Variants in GATA4 observed in about 807,000 individuals in gnomAD.
The protein encoded by GATA4 is transcription factor GATA-4.
Under a neutral mutation model 37.9 loss-of-function variants are expected in GATA4, and 7 were observed. The observed-to-expected ratio is 0.18, with a 90% CI of 0.11 to 0.35. The LOEUF (loss-of-function observed/expected upper bound fraction) is 0.35, where lower values mean the gene tolerates loss of function less well. Among genes scored for constraint, GATA4 ranks in the 10% least tolerant of loss-of-function variants. The probability of loss-of-function intolerance (pLI) is 1.00; values close to 1 mark genes in which losing one functional copy is unlikely to be tolerated. For synonymous variants in GATA4, 372 were observed against 292.6 expected (o/e 1.27, Z -2.77); for missense variants, 647 against 653.0 (o/e 0.99, Z 0.10).
At position 11,708,658 on chromosome 8, in the gene GATA4, T is replaced by C; in HGVS notation, c.346T>C (p.Ser116Pro). The C allele has an allele frequency of 7.7e-7, 1 of 1,305,494 alleles. No individual in the cohort carries two copies. The allele number at this position is 1,305,494 out of a possible 1,614,324, so 80.9% of individuals were successfully genotyped here. The change falls in exon 2 of 7, where the codon TCC becomes CCC. Residue 116 changes from serine (S) to proline (P), a missense_variant. Around this residue, in one of 5 missense-constraint regions of GATA4, gnomAD observed 379 missense variants for 334.5 expected, o/e 1.13. Coordinates refer to ENST00000532059, the MANE Select transcript of GATA4 (RefSeq NM_001308093.3). The surrounding 1 kb of genome is among the most constrained non-coding windows in gnomAD (Gnocchi z 6.7). Reference protein sequence around the residue: ...PRFSFPGTTGSLAAAAAAAAA... With the variant: ...PRFSFPGTTGPLAAAAAAAAA... ...CTTCTCCTTCCCGGGGACCACCGGGTCCCTGGCGGCCGCCGCCGCCGCTGC... is the reference window on the plus strand; with the variant it reads ...CTTCTCCTTCCCGGGGACCACCGGGCCCCTGGCGGCCGCCGCCGCCGCTGC...
intron 2 of GATA4, among the ~76,000 whole-genome samples, chr8:11,725,413 T>C (rs546662679): frequency 6.6e-6 from 1 of 152,336 alleles, no homozygotes; most frequent in East Asian, 1.9e-4. Context: ...GGAATCTGAT[T>C]CCGTACTGGC....
upstream of GATA4, among the ~76,000 whole-genome samples, chr8:11,689,840 G>C (rs117605058): frequency 3.3e-4 from 50 of 152,330 alleles, no homozygotes; most frequent in East Asian, 9.1e-3. Context: ...GATTACATCA[G>C]GGCGAGGGAA....
chr8:11,747,143 C>T (rs1410229506), intron 2 of GATA4, among the ~76,000 whole-genome samples: 1 of 152,228 alleles, frequency 6.6e-6, no homozygotes, highest in Admixed American at 6.5e-5. Flanking sequence ...GAAAAATCTG[C>T]CCTTGCCTCT....
chr8:11,753,760 G>A (rs952062266), intron 4 of GATA4, among the ~76,000 whole-genome samples: 10 of 152,176 alleles, frequency 6.6e-5, no homozygotes, highest in Admixed American at 3.3e-4. Context: ...TGCATTTCTC[G>A]CTTAACCATT....
intron 1 of GATA4, among the ~76,000 whole-genome samples, chr8:11,695,828 A>G (rs1799493025): frequency 6.6e-6 from 1 of 152,190 alleles, no homozygotes; most frequent in Non-Finnish European, 1.5e-5. Context: ...TTTGTGCCAT[A>G]CATGCTCAAG....
At chr8:11,701,255 A>AAAC (rs1460746070), upstream of GATA4, among the ~76,000 whole-genome samples, 2 of 151,994 alleles carry the variant, frequency 1.3e-5, no homozygotes, top group East Asian at 3.9e-4. Context: ...AAAAAAAAAA[A>AAAC]AAAAAAAAAG....
In GATA4 at chr8:11,707,937, T is replaced by G; in HGVS notation, c.-376T>G. 3.2e-6 allele frequency: 1 copy of G among 313,730 alleles called. No individual in the cohort carries two copies. 19.4% of individuals were successfully genotyped at this position (313,730 alleles called of 1,614,324 possible). On this transcript the variant is annotated 5_prime_UTR_variant, in exon 2 of 7. Coordinates refer to ENST00000532059, the MANE Select transcript of GATA4 (RefSeq NM_001308093.3). The surrounding 1 kb of genome is among the most constrained non-coding windows in gnomAD (Gnocchi z 4.7). ...CGCGGGTGTCCTGGAGGCCTCTCGG[T>G]GTGACGAGTGGGGGACCCGAAGGCT... is the stretch of plus-strand genomic sequence containing the variant.
At chr8:11,729,963 T>C (rs1350122161) in intron 2 of GATA4, among the ~76,000 whole-genome samples, 3 of 152,190 alleles carry the variant, frequency 2.0e-5, no homozygotes, top group Non-Finnish European at 2.9e-5. Flanking sequence ...TCTTGCTCCA[T>C]TGCCCAGGCT....
intron 2 of GATA4, among the ~76,000 whole-genome samples, chr8:11,745,552 C>T (rs529849802): frequency 2.0e-5 from 3 of 152,044 alleles, no homozygotes; most frequent in Non-Finnish European, 2.9e-5. Flanking sequence ...CAGCACTGTA[C>T]TCCAGCCTGG....
intron 2 of GATA4, among the ~76,000 whole-genome samples, chr8:11,713,637 C>CAA (rs375905844): frequency 7.6e-5 from 8 of 105,466 alleles, no homozygotes; most frequent in African/African-American, 2.7e-4. Flanking sequence ...TTCTGAAAAG[C>CAA]AAAAAAAAAA....
chr8:11,692,611 CG>C (rs1270858187), upstream of GATA4: 5 of 985,298 alleles, frequency 5.1e-6, no homozygotes, highest in Non-Finnish European at 4.8e-6. Context: ...GGGCGGGAAC[CG>C]GCTTCTGGGG....
chr8:11,738,659 G>T (rs1435209283), intron 2 of GATA4, among the ~76,000 whole-genome samples: 4 of 152,226 alleles, frequency 2.6e-5, no homozygotes, highest in African/African-American at 7.2e-5. Context: ...TCCTGGAAGT[G>T]GAGTTTCTGG....
At position 11,749,326 on chromosome 8, in the gene GATA4, C is replaced by T. The variant is rs967053524; in HGVS notation, c.786+241C>T. ...AAGTGAGGCTCAGAAAAGCTAGTGG[C>T]CTTGCCCACAGCCACTCAGGTACTG... is the stretch of plus-strand genomic sequence containing the variant. On this transcript the variant is annotated intron_variant, in intron 3 of 6. Transcript: ENST00000532059. This position sits in a 1 kb window ranked among gnomAD's most constrained non-coding sequence, Gnocchi z 4.6. Among the ~76,000 whole-genome samples the T allele has an allele frequency of 6.6e-6, 1 of 152,236 alleles. No homozygotes were observed. Among genetic ancestry groups the T allele is most frequent in the Non-Finnish European group, 1.5e-5 (1 of 68,050 alleles).
intron 2 of GATA4, among the ~76,000 whole-genome samples, chr8:11,723,776 ACTTG>A (rs1411690398): frequency 1.3e-5 from 2 of 152,236 alleles, no homozygotes; most frequent in African/African-American, 2.4e-5. Flanking sequence ...AAAGGCTTTT[ACTTG>A]CTTCATTCAT....
At chr8:11,733,040 C>A (rs139297671) in intron 2 of GATA4, among the ~76,000 whole-genome samples, 1 of 152,056 alleles carries the variant, frequency 6.6e-6, no homozygotes, top group South Asian at 2.1e-4. Flanking sequence ...GGAAAGAAAG[C>A]GGCAATGTTT....
chr8:11,755,253 G>A (rs556613985), intron 5 of GATA4, 120 bp downstream of exon 5: 22 of 749,724 alleles, frequency 2.9e-5, no homozygotes, highest in African/African-American at 5.2e-5. Flanking sequence ...TGACAGCATC[G>A]GACATCCCTG....
At chr8:11,753,696 C>T (rs181473387) in intron 4 of GATA4, among the ~76,000 whole-genome samples, 55 of 152,148 alleles carry the variant, frequency 3.6e-4, no homozygotes, top group African/African-American at 1.2e-3. Flanking sequence ...GTGCAAGTGC[C>T]ACCCCATCTA....
At chr8:11,757,982 G>C (rs1236430223) in intron 6 of GATA4, among the ~76,000 whole-genome samples, 1 of 152,196 alleles carries the variant, frequency 6.6e-6, no homozygotes, top group African/African-American at 2.4e-5. Context: ...AAGTGGATGT[G>C]GTGGTGATAG....
At position 11,750,167 on chromosome 8, in the gene GATA4, G is replaced by A. The variant is rs755197061; in HGVS notation, c.843G>A (p.Thr281=). 23 of 1,613,752 alleles carry A rather than the reference G, an allele frequency of 1.4e-5. No individual in the cohort carries two copies. Among genetic ancestry groups the A allele is most frequent in the Non-Finnish European group, 1.5e-5 (18 of 1,180,054 alleles). The part of the protein sequence containing the change: ...SCANCQTTTT[T]LWRRNAEGEP... The stretch of plus-strand genomic sequence containing the variant: ...CCAACTGCCAGACCACCACCACCAC[G>A]CTGTGGCGCCGCAATGCGGAGGGCG... The change falls in exon 4 of 7, where the codon ACG becomes ACA. Residue 281 remains threonine (T), a synonymous_variant. Transcript: ENST00000532059.
Sources: gnomAD v4.1 joint callset for allele counts (sites outside exome capture counted in the v4.1 genomes callset) on GRCh38, gnomAD v4.1.1 for gene constraint, gnomAD v4.1.1 regional missense constraint, Gnocchi (gnomAD v3.1) non-coding constraint, MANE v1.5 for transcripts, NCBI Gene and HGNC (gene_info 2026-07-23, HGNC 2026-07-21) for gene names.